Variants in UGT2B7 observed in about 807,000 individuals in gnomAD.
The protein encoded by UGT2B7 is UDP glucuronosyltransferase family 2 member B7.
Under a neutral mutation model 51.9 loss-of-function variants are expected in UGT2B7, and 51 were observed. That is an observed-to-expected ratio of 0.98 (90% CI 0.78 to 1.24). UGT2B7 has a LOEUF of 1.24. Among genes scored for constraint, UGT2B7 ranks in the 50% most tolerant of loss-of-function variants. The probability of loss-of-function intolerance (pLI) is 0.00; values close to 1 mark genes in which losing one functional copy is unlikely to be tolerated. For synonymous variants in UGT2B7, 225 were observed against 211.6 expected, an observed-to-expected ratio of 1.06 and a Z score of -0.55; for missense variants, 727 against 628.4, an observed-to-expected ratio of 1.16 and a Z score of -1.68.
intron 1 of UGT2B7, among the ~76,000 whole-genome samples, chr4:69,076,168 C>A (rs28410179): frequency 0.033 from 5,082 of 152,240 alleles, 118 homozygotes; most frequent in Middle Eastern, 0.11. Context: ...TTTTCTTTAT[C>A]CAATCTATCA....
chr4:69,103,663 C>G (rs939670171), intron 3 of UGT2B7, among the ~76,000 whole-genome samples: 52 of 152,242 alleles, frequency 3.4e-4, no homozygotes, highest in African/African-American at 1.2e-3. Flanking sequence ...AGCTTCAAAA[C>G]AGTTTTCCTA....
chr4:69,057,526 T>G (rs995644898), intron 1 of UGT2B7, among the ~76,000 whole-genome samples: 4 of 152,238 alleles, frequency 2.6e-5, no homozygotes, highest in African/African-American at 7.2e-5. Flanking sequence ...ATCCCTCTTC[T>G]GGATATTTAT....
chr4:69,107,668 C>G (rs1719644098), intron 4 of UGT2B7, among the ~76,000 whole-genome samples: 2 of 152,228 alleles, frequency 1.3e-5, no homozygotes, highest in Middle Eastern at 3.4e-3. Context: ...AACTGCTAAT[C>G]TTAATCATAC....
At chr4:69,063,520 C>A (rs916169929) in intron 1 of UGT2B7, among the ~76,000 whole-genome samples, 7 of 152,008 alleles carry the variant, frequency 4.6e-5, no homozygotes, top group Admixed American at 4.6e-4. Context: ...CAGCAAGCCA[C>A]AGAAATAAGG....
At chr4:69,062,192 G>A (rs1718362468) in intron 1 of UGT2B7, among the ~76,000 whole-genome samples, 1 of 152,158 alleles carries the variant, frequency 6.6e-6, no homozygotes, top group Non-Finnish European at 1.5e-5. Context: ...GGTGGGACCA[G>A]GTCTTGCCCA....
chr4:69,084,239 G>A (rs1265845485), intron 1 of UGT2B7, among the ~76,000 whole-genome samples: 2 of 151,566 alleles, frequency 1.3e-5, no homozygotes, highest in Admixed American at 6.6e-5. Flanking sequence ...TCCTCATCAT[G>A]TATAATCTTT....
chr4:69,082,350 A>G (rs966160819), intron 1 of UGT2B7, among the ~76,000 whole-genome samples: 3 of 152,050 alleles, frequency 2.0e-5, no homozygotes, highest in Admixed American at 6.6e-5. Flanking sequence ...AAAGCTCAGA[A>G]AGACTTAAAG....
chr4:69,094,844 T>G (rs1412311626), upstream of UGT2B7, among the ~76,000 whole-genome samples: 1 of 152,234 alleles, frequency 6.6e-6, no homozygotes, highest in East Asian at 1.9e-4. Context: ...TAACGCTGCT[T>G]TATAAAGTAA....
At chr4:69,096,101 AT>A (rs1170131911), upstream of UGT2B7, among the ~76,000 whole-genome samples, 4 of 152,212 alleles carry the variant, frequency 2.6e-5, no homozygotes, top group Non-Finnish European at 4.4e-5. Flanking sequence ...ATAGTATGAT[AT>A]TTAAATTACA....
chr4:69,068,332 T>C (rs1718525045), intron 1 of UGT2B7, among the ~76,000 whole-genome samples: 1 of 152,064 alleles, frequency 6.6e-6, no homozygotes, highest in African/African-American at 2.4e-5. Flanking sequence ...TTAGTATAAA[T>C]GTAGCCATTT....
Position 69,097,148 on chromosome 4 carries a change from A to G in UGT2B7, c.628A>G (p.Arg210Gly). 1 of 1,613,450 alleles carries G rather than the reference A, an allele frequency of 6.2e-7. No individual in the cohort carries two copies. Residue 210 changes from arginine to glycine, a missense_variant, in exon 1 of 6, where the codon AGG becomes GGG. By Grantham distance (125) the Arg-to-Gly change is moderately radical. Transcript: ENST00000305231. The stretch of plus-strand genomic sequence containing the variant: ...AACTGATCAAATGACTTTCATGGAG[A>G]GGGTAAAAAATATGATCTATGTGCT... Reference protein sequence around the residue: ...ELTDQMTFMERVKNMIYVLYF... With the variant: ...ELTDQMTFMEGVKNMIYVLYF...
chr4:69,093,758 C>T (rs7437039), upstream of UGT2B7, among the ~76,000 whole-genome samples: 87,713 of 151,982 alleles, frequency 0.58, 26,320 homozygotes, highest in African/African-American at 0.71. Flanking sequence ...CTCACCACTT[C>T]CCTGGGTGAG....
chr4:69,108,300 A>G lies in UGT2B7; in HGVS notation c.1288A>G (p.Lys430Glu). ...GAGTACAGACTTGCTGAATGCATTG[A>G]AGAGAGTAATTAATGATCCTTCGTG... Reference protein sequence around the residue: ...MSSTDLLNALKRVINDPSYKE... With the variant: ...MSSTDLLNALERVINDPSYKE... Residue 430 changes from lysine (K) to glutamate (E), a missense_variant, in exon 5 of 6, where the codon AAG becomes GAG. Physicochemically the swap from Lys to Glu is moderately conservative, Grantham distance 56. Coordinates refer to ENST00000305231, the MANE Select transcript of UGT2B7 (RefSeq NM_001074.4). The G allele has an allele frequency of 2.8e-5, 45 of 1,613,512 alleles. No individual in the cohort carries two copies. The highest frequency in any genetic ancestry group is 3.6e-5 in the Non-Finnish European group (42 of 1,179,542).
intron 1 of UGT2B7, among the ~76,000 whole-genome samples, chr4:69,064,063 A>AGAAG (rs1391723548): frequency 9.1e-6 from 1 of 110,326 alleles, no homozygotes; most frequent in African/African-American, 4.9e-5. Context: ...AAAGAAAGAA[A>AGAAG]GAAAGAAAGA....
At chr4:69,078,120 A>AACC (rs1718756757) in intron 1 of UGT2B7, among the ~76,000 whole-genome samples, 1 of 151,692 alleles carries the variant, frequency 6.6e-6, no homozygotes, top group East Asian at 1.9e-4. Flanking sequence ...TTGCATGTTG[A>AACC]ACCAGTCTTG....
In UGT2B7 at chr4:69,108,479, A is replaced by T. The variant is rs185352252; in HGVS notation, c.1310+157A>T. Among the ~76,000 whole-genome samples the T allele has an allele frequency of 2.4e-4, 37 of 152,212 alleles. 1 individual carries two copies. The highest frequency in any genetic ancestry group is 8.4e-4 in the African/African-American group (35 of 41,534). On this transcript the variant is annotated intron_variant, in intron 5 of 5. Transcript: ENST00000305231. ...CTGCTTTTATTTTTATAAGTTATTT[A>T]AAAATTGAATTTGAAACACATACAT...
chr4:69,066,458 G>A (rs1483397386), intron 1 of UGT2B7: 1 of 151,820 alleles, frequency 6.6e-6, no homozygotes, highest in East Asian at 1.9e-4. Context: ...CTATATAGTG[G>A]GTAGTCCAGA....
At chr4:69,106,695 C>T (rs2109892431) in intron 3 of UGT2B7, among the ~76,000 whole-genome samples, 1 of 152,186 alleles carries the variant, frequency 6.6e-6, no homozygotes, top group Admixed American at 6.5e-5. Flanking sequence ...AATGGTTGAA[C>T]AAACTTACAT....
chr4:69,085,125 G>A (rs1275533969), intron 1 of UGT2B7, among the ~76,000 whole-genome samples: 4 of 152,108 alleles, frequency 2.6e-5, no homozygotes, highest in Non-Finnish European at 4.4e-5. Context: ...ATCCTCTCCA[G>A]CATCAGTTGT....
Sources: allele counts gnomAD v4.1 joint callset (sites outside exome capture counted in the v4.1 genomes callset), GRCh38; gene constraint gnomAD v4.1.1; transcripts MANE v1.5; gene names NCBI Gene and HGNC (gene_info 2026-07-23, HGNC 2026-07-21).